PCSK2: variants seen among roughly 807,000 people sequenced by gnomAD.
PCSK2 encodes the protein proprotein convertase subtilisin/kexin type 2, also known as neuroendocrine convertase 2.
Under a neutral mutation model 69.7 loss-of-function variants are expected in PCSK2, and 14 were observed. The observed-to-expected ratio is 0.20, with a 90% CI of 0.13 to 0.31. The LOEUF is 0.31. Among genes scored for constraint, PCSK2 ranks in the 10% least tolerant of loss-of-function variants. The pLI is 1.00. For missense variants in PCSK2, 544 were observed against 842.5 expected, an observed-to-expected ratio of 0.65 and a Z score of 4.39; for synonymous variants, 307 against 320.7, an observed-to-expected ratio of 0.96 and a Z score of 0.46.
At chr20:17,303,787 G>A (rs900815912) in intron 2 of PCSK2, among the ~76,000 whole-genome samples, 2 of 147,722 alleles carry the variant, frequency 1.4e-5, no homozygotes, top group Non-Finnish European at 3.0e-5. Context: ...ATGTTGTCCA[G>A]GTTGGTCTTG....
intron 5 of PCSK2, among the ~76,000 whole-genome samples, chr20:17,407,540 C>T (rs1308760924): frequency 6.6e-6 from 1 of 152,020 alleles, no homozygotes. Flanking sequence ...ACAGAACACC[C>T]TTGGGGAAGA....
chr20:17,253,448 G>T (rs901973860), intron 1 of PCSK2, among the ~76,000 whole-genome samples: 31 of 152,088 alleles, frequency 2.0e-4, no homozygotes, highest in Admixed American at 1.8e-3. Context: ...TTCATATAAA[G>T]AAGTGATACA....
intron 2 of PCSK2, among the ~76,000 whole-genome samples, chr20:17,346,021 T>C (rs1990642090): frequency 6.6e-6 from 1 of 152,288 alleles, no homozygotes; most frequent in South Asian, 2.1e-4. Flanking sequence ...GCAGAACTTC[T>C]TCAGTCAGAT....
At chr20:17,327,654 C>T (rs924066093) in intron 2 of PCSK2, among the ~76,000 whole-genome samples, 1 of 152,214 alleles carries the variant, frequency 6.6e-6, no homozygotes, top group Admixed American at 6.5e-5. Context: ...ACGAAGTCAC[C>T]GAGCAGCTGC....
At chr20:17,303,811 A>C (rs1989239354) in intron 2 of PCSK2, among the ~76,000 whole-genome samples, 1 of 148,660 alleles carries the variant, frequency 6.7e-6, no homozygotes, top group East Asian at 2.0e-4. Flanking sequence ...TCCTGACCTC[A>C]GGTGATCCAC....
intron 4 of PCSK2, among the ~76,000 whole-genome samples, chr20:17,367,495 G>C (rs565373559): frequency 1.3e-5 from 2 of 152,248 alleles, no homozygotes; most frequent in East Asian, 3.8e-4. Context: ...TGAGCCCAGA[G>C]TGGAACTGGA....
chr20:17,277,762 TAC>T (rs1176364289), intron 2 of PCSK2, among the ~76,000 whole-genome samples: 1 of 151,892 alleles, frequency 6.6e-6, no homozygotes, highest in African/African-American at 2.4e-5. Context: ...CAAAAGAAAT[TAC>T]CATCAGAGTG....
Position 17,480,184 on chromosome 20 carries a change from C to CTTTTTTTTTTTT in PCSK2, c.1431-1388_1431-1377dup, listed in dbSNP as rs1164266992. 3.7e-3 allele frequency among the ~76,000 whole-genome samples: 283 copies of CTTTTTTTTTTTT among 76,952 alleles called. 15 individuals carry two copies. Among genetic ancestry groups the CTTTTTTTTTTTT allele is most frequent in the Middle Eastern group, 9.6e-3 (1 of 104 alleles). The allele number at this position is 76,952 out of a possible 152,430, so 50.5% of individuals were successfully genotyped here. A position where few individuals can be genotyped will look rare whatever the true frequency, so the allele number is the denominator to read the frequency against. On this transcript the variant is annotated intron_variant, in intron 11 of 11. Coordinates refer to ENST00000262545, the MANE Select transcript of PCSK2 (RefSeq NM_002594.5). ...ATTAATTTACCCATTTTCAGCTTTTCTTTTTTTTTTTTTTTTTTTTTTTGA... is the reference window on the plus strand; with the variant it reads ...ATTAATTTACCCATTTTCAGCTTTTCTTTTTTTTTTTTTTTTTTTTTTTTTTTTTTTTTTTGA...
intron 2 of PCSK2, among the ~76,000 whole-genome samples, chr20:17,268,523 G>T (rs1600429610): frequency 6.6e-6 from 1 of 152,212 alleles, no homozygotes; most frequent in East Asian, 1.9e-4. Flanking sequence ...CCAGACAGAG[G>T]AACCACCAAG....
intron 5 of PCSK2, among the ~76,000 whole-genome samples, chr20:17,387,493 G>C (rs1264403320): frequency 6.6e-6 from 1 of 152,162 alleles, no homozygotes; most frequent in African/African-American, 2.4e-5. Flanking sequence ...TCACATGGTG[G>C]CTGTTGGCAG....
At chr20:17,265,890 C>T (rs139651168) in intron 2 of PCSK2, among the ~76,000 whole-genome samples, 2 of 152,300 alleles carry the variant, frequency 1.3e-5, no homozygotes, top group Non-Finnish European at 2.9e-5. Flanking sequence ...GAGAAGGTGA[C>T]TTCCCTGGGG....
chr20:17,349,613 T>G (rs1224450721), intron 2 of PCSK2, among the ~76,000 whole-genome samples: 1 of 151,964 alleles, frequency 6.6e-6, no homozygotes, highest in Non-Finnish European at 1.5e-5. Context: ...GGATGCGTCC[T>G]CAAGCCCATC....
At chr20:17,332,113 TAACA>T (rs1990222511) in intron 2 of PCSK2, among the ~76,000 whole-genome samples, 2 of 152,228 alleles carry the variant, frequency 1.3e-5, no homozygotes, top group Admixed American at 1.3e-4. Context: ...TATGTCTTCA[TAACA>T]AACTAACGAA....
intron 2 of PCSK2, among the ~76,000 whole-genome samples, chr20:17,278,464 G>C (rs1988176763): frequency 6.6e-6 from 1 of 152,042 alleles, no homozygotes. Flanking sequence ...GCAAACTATT[G>C]CAAGGACTAA....
chr20:17,397,415 T>C (rs1247370911), intron 5 of PCSK2, among the ~76,000 whole-genome samples: 2 of 152,118 alleles, frequency 1.3e-5, no homozygotes, highest in Non-Finnish European at 2.9e-5. Flanking sequence ...ACTCTGAACT[T>C]TTACTCTTCT....
intron 2 of PCSK2, among the ~76,000 whole-genome samples, chr20:17,305,514 C>T (rs773191690): frequency 3.9e-5 from 6 of 152,164 alleles, no homozygotes; most frequent in East Asian, 1.9e-4. Context: ...CTGCAAATCT[C>T]GGCTCTCTGC....
At chr20:17,260,196 AC>A in intron 1 of PCSK2, 43 bp from the exon 2 acceptor site, 1 of 1,307,472 alleles carries the variant, frequency 7.6e-7, no homozygotes. Flanking sequence ...CCCTGGGCCA[AC>A]CCCAGAAGCT....
At chr20:17,306,119 T>G (rs1312135488) in intron 2 of PCSK2, among the ~76,000 whole-genome samples, 1 of 152,204 alleles carries the variant, frequency 6.6e-6, no homozygotes, top group Non-Finnish European at 1.5e-5. Context: ...GACATAAAGA[T>G]GGACAATACA....
chr20:17,261,452 A>G (rs911094191), intron 2 of PCSK2, among the ~76,000 whole-genome samples: 2 of 152,194 alleles, frequency 1.3e-5, no homozygotes, highest in Admixed American at 1.3e-4. Flanking sequence ...GACAGGCCAC[A>G]GGCAATTTTT....
Sources: gnomAD v4.1 joint callset for allele counts (sites outside exome capture counted in the v4.1 genomes callset) on GRCh38, gnomAD v4.1.1 for gene constraint, MANE v1.5 for transcripts, NCBI Gene and HGNC (gene_info 2026-07-23, HGNC 2026-07-21) for gene names.